The following CAB39 variants were observed in gnomAD, a reference collection of about 807,000 sequenced individuals.
CAB39 encodes the protein calcium-binding protein 39.
Under a neutral mutation model 40.0 loss-of-function variants are expected in CAB39, and 8 were observed. The ratio of observed to expected loss-of-function variants is 0.20; its 90% CI spans 0.12 to 0.36. The LOEUF is 0.36. Among genes scored for constraint, CAB39 ranks in the 10% least tolerant of loss-of-function variants. CAB39 has a pLI of 1.00. For synonymous variants in CAB39, 156 were observed against 141.6 expected (o/e 1.10, Z -0.72); for missense variants, 270 against 401.1 (o/e 0.67, Z 2.79).
At position 230,820,427 on chromosome 2, in the gene CAB39, C is replaced by T. The variant is rs1696489423; in HGVS notation, c.*1723C>T. ...AGTCTACATCATAATTGGCATTTCT[C>T]AAGACTGTCTTTACCAGAATCTGTG... On this transcript the variant is annotated 3_prime_UTR_variant, in exon 9 of 9. Transcript: ENST00000258418. The T allele has an allele frequency of 6.6e-6, 1 of 152,032 alleles. No individual in the cohort carries two copies. The highest frequency in any genetic ancestry group is 1.5e-5 in the Non-Finnish European group (1 of 67,996). The allele number at this position is 152,032 out of a possible 1,614,324, so 9.4% of individuals were successfully genotyped here. A position where few individuals can be genotyped will look rare whatever the true frequency, so the allele number is the denominator to read the frequency against.
chr2:230,723,670 A>G (rs572881714), intron 1 of CAB39, among the ~76,000 whole-genome samples: 57 of 152,314 alleles, frequency 3.7e-4, no homozygotes, highest in African/African-American at 1.1e-3. Context: ...GGTTTAGCCA[A>G]TGGAAGCCCT....
chr2:230,738,805 A>G (rs111678461), intron 1 of CAB39, among the ~76,000 whole-genome samples: 2,323 of 152,308 alleles, frequency 0.015, 43 homozygotes, highest in Non-Finnish European at 0.02. Context: ...CTTGAAGGAG[A>G]GTGATTTTCC....
chr2:230,759,940 A>G lies in CAB39; in HGVS notation c.-43-19A>G. 1.2e-6 allele frequency: 1 copy of G among 837,632 alleles called. No individual in the cohort carries two copies. The highest frequency in any genetic ancestry group is 2.0e-6 in the Non-Finnish European group (1 of 498,646). The allele number at this position is 837,632 out of a possible 1,614,324, so 51.9% of individuals were successfully genotyped here. On this transcript the variant is annotated intron_variant, in intron 1 of 8. Transcript: ENST00000258418. ...TTGATCCCAGTGTTTGCTCACATGAACCTTGTGCTGTGTTCTAGGTAGCAC... is the reference window on the plus strand; with the variant it reads ...TTGATCCCAGTGTTTGCTCACATGAGCCTTGTGCTGTGTTCTAGGTAGCAC...
rs1696484002 is a variant in CAB39, at chr2:230,820,238, T to G, written c.*1534T>G. On this transcript the variant is annotated 3_prime_UTR_variant, in exon 9 of 9. Transcript: ENST00000258418. ...GCATGGCTGCAGCTGATTAAGAAAT[T>G]GATATGATTATTCTTTGCTAGCCTC... The G allele has an allele frequency of 6.6e-6, 1 of 152,404 alleles. No homozygotes were observed. Among genetic ancestry groups the G allele is most frequent in the Non-Finnish European group, 1.5e-5 (1 of 68,034 alleles). 9.4% of individuals were successfully genotyped at this position (152,404 alleles called of 1,614,324 possible). A position where few individuals can be genotyped will look rare whatever the true frequency, so the allele number is the denominator to read the frequency against.
intron 2 of CAB39, among the ~76,000 whole-genome samples, chr2:230,783,606 C>T (rs530466140): frequency 6.7e-6 from 1 of 150,090 alleles, no homozygotes; most frequent in African/African-American, 2.5e-5. Flanking sequence ...TCAAGCAATC[C>T]TCCCACCTCA....
intron 2 of CAB39, among the ~76,000 whole-genome samples, chr2:230,768,592 G>A (rs1207307590): frequency 1.3e-5 from 2 of 152,326 alleles, no homozygotes; most frequent in East Asian, 3.8e-4. Context: ...GGTTTAATTA[G>A]CCAAGTTTGT....
At chr2:230,722,181 TCTAATA>T (rs2124855562) in intron 1 of CAB39, among the ~76,000 whole-genome samples, 1 of 152,288 alleles carries the variant, frequency 6.6e-6, no homozygotes, top group African/African-American at 2.4e-5. Context: ...TAGAATGCAT[TCTAATA>T]CTTTCTATTT....
At chr2:230,767,571 T>G (rs1695410199) in intron 2 of CAB39, among the ~76,000 whole-genome samples, 1 of 152,208 alleles carries the variant, frequency 6.6e-6, no homozygotes, top group African/African-American at 2.4e-5. Flanking sequence ...AGGCCTATTT[T>G]TATCAATCTC....
At chr2:230,783,212 T>A (rs1695724618) in intron 2 of CAB39, among the ~76,000 whole-genome samples, 2 of 152,220 alleles carry the variant, frequency 1.3e-5, no homozygotes, top group African/African-American at 4.8e-5. Flanking sequence ...CACTATGAGC[T>A]GTGTGTGCAC....
chr2:230,771,270 A>T (rs1039650990), intron 2 of CAB39, among the ~76,000 whole-genome samples: 2 of 152,160 alleles, frequency 1.3e-5, no homozygotes. Flanking sequence ...AAATTTAAAA[A>T]TACCTTGTAT....
chr2:230,720,877 A>C (rs1044426655), intron 1 of CAB39, among the ~76,000 whole-genome samples: 1 of 152,182 alleles, frequency 6.6e-6, no homozygotes, highest in South Asian at 2.1e-4. Flanking sequence ...GGCCGTTAAC[A>C]TGACCCATGT....
intron 5 of CAB39, among the ~76,000 whole-genome samples, chr2:230,802,262 C>G (rs1696103518): frequency 6.6e-6 from 1 of 152,172 alleles, no homozygotes; most frequent in South Asian, 2.1e-4. Context: ...ACATTTAAAA[C>G]AGTGTGTAGA....
chr2:230,783,414 G>C (rs149830758), intron 2 of CAB39, among the ~76,000 whole-genome samples: 1 of 148,164 alleles, frequency 6.7e-6, no homozygotes, highest in Non-Finnish European at 1.5e-5. Context: ...TTCGTTGCCC[G>C]TTCTTAGAGG....
At chr2:230,733,044 T>G (rs1405472891) in intron 1 of CAB39, among the ~76,000 whole-genome samples, 1 of 152,210 alleles carries the variant, frequency 6.6e-6, no homozygotes, top group Non-Finnish European at 1.5e-5. Flanking sequence ...TGCACCCTAC[T>G]TTAAGTAGAG....
rs1694762989 is a variant in CAB39 at position 230,735,086 on chromosome 2, GT to G, written c.-44+21858del. On this transcript the variant is annotated intron_variant, in intron 1 of 8. Coordinates refer to ENST00000258418, the MANE Select transcript of CAB39 (RefSeq NM_016289.4). ...CTGCCCTGATACCCCTTGAATTCTT[GT>G]TGTTTTCCTTAATTTCCTTAGAGAG... Among the ~76,000 whole-genome samples the G allele has an allele frequency of 2.0e-5, 3 of 152,036 alleles. No homozygotes were observed. The South Asian group carries it at 6.2e-4, about 32-fold the overall frequency.
At chr2:230,756,661 G>GTTTATTTATTTA (rs577181012) in intron 1 of CAB39, among the ~76,000 whole-genome samples, 8 of 95,370 alleles carry the variant, frequency 8.4e-5, no homozygotes, top group South Asian at 5.0e-4. Context: ...CTAACTGTTT[G>GTTTATTTATTTA]TTTATTTATT....
chr2:230,729,122 A>G (rs190706123), intron 1 of CAB39, among the ~76,000 whole-genome samples: 69 of 152,362 alleles, frequency 4.5e-4, no homozygotes, highest in Non-Finnish European at 7.8e-4. Context: ...AAAAGGTTAA[A>G]TAGTCTGCCC....
intron 1 of CAB39, among the ~76,000 whole-genome samples, chr2:230,758,428 T>C (rs374101111): frequency 6.6e-6 from 1 of 152,138 alleles, no homozygotes; most frequent in Non-Finnish European, 1.5e-5. Context: ...ATAGGCAATA[T>C]TTGGGGTTAG....
chr2:230,791,315 A>T (rs1695889053), intron 3 of CAB39, among the ~76,000 whole-genome samples: 1 of 152,210 alleles, frequency 6.6e-6, no homozygotes, highest in Admixed American at 6.5e-5. Context: ...GTTTTAAAAA[A>T]CAACTGCTCA....
Sources: allele counts gnomAD v4.1 joint callset (sites outside exome capture counted in the v4.1 genomes callset), GRCh38; gene constraint gnomAD v4.1.1; transcripts MANE v1.5; gene names NCBI Gene and HGNC (gene_info 2026-07-23, HGNC 2026-07-21).